The following ARHGAP25 variants were observed in gnomAD, a reference collection of about 807,000 sequenced individuals.
The protein encoded by ARHGAP25 is Rho GTPase activating protein 25, also known as rho GTPase-activating protein 25.
A neutral mutation model predicts 71.0 loss-of-function variants in ARHGAP25; 34 were observed. The ratio of observed to expected loss-of-function variants is 0.48; its 90% CI spans 0.36 to 0.64. The LOEUF (loss-of-function observed/expected upper bound fraction) is 0.64. ARHGAP25 is among the 30% of genes least tolerant of loss of function. The pLI is 0.00. For missense variants in ARHGAP25, 706 were observed against 805.1 expected (o/e 0.88, Z 1.49); for synonymous variants, 282 against 296.5 (o/e 0.95, Z 0.50).
At chr2:68,769,258 T>C (rs771005132) in intron 1 of ARHGAP25, among the ~76,000 whole-genome samples, 2 of 152,178 alleles carry the variant, frequency 1.3e-5, no homozygotes, top group Non-Finnish European at 2.9e-5. Flanking sequence ...TAGAATAAAA[T>C]TGAGTCCATA....
In ARHGAP25 at chr2:68,775,204, T is replaced by C. The variant is rs767574831; in HGVS notation, c.62-17T>C. On this transcript the variant is annotated splice_polypyrimidine_tract_variant and intron_variant, in intron 1 of 10. Coordinates refer to ENST00000409202, the MANE Select transcript of ARHGAP25 (RefSeq NM_001007231.3). ...CCATGTCCCTCGGTCAGTCGGCCTG[T>C]CTGTTCCTCTCTATAGCTCGGTCAA... 6.2e-7 allele frequency: 1 copy of C among 1,614,264 alleles called. No individual in the cohort carries two copies. The highest frequency in any genetic ancestry group is 8.5e-7 in the Non-Finnish European group (1 of 1,180,044).
intron 1 of ARHGAP25, among the ~76,000 whole-genome samples, chr2:68,753,670 C>T (rs1676314015): frequency 1.3e-5 from 2 of 152,140 alleles, no homozygotes; most frequent in South Asian, 4.1e-4. Flanking sequence ...TGATGTTGCT[C>T]TTGAATGTAG....
intron 4 of ARHGAP25, among the ~76,000 whole-genome samples, chr2:68,792,552 T>A (rs1315032764): frequency 2.0e-5 from 3 of 152,230 alleles, no homozygotes; most frequent in Non-Finnish European, 4.4e-5. Context: ...TGGCTTCTAG[T>A]TCTATCGATG....
Position 68,817,934 on chromosome 2 carries a change from A to G in ARHGAP25, c.943A>G (p.Thr315Ala). 6.2e-6 allele frequency: 10 copies of G among 1,614,122 alleles called. No homozygotes were observed. The highest frequency in any genetic ancestry group is 8.5e-6 in the Non-Finnish European group (10 of 1,179,960). Residue 315 changes from threonine (T) to alanine (A), a missense_variant, in exon 8 of 11, where the codon ACT (threonine) becomes GCT (alanine). Transcript: ENST00000409202. Reference sequence around the variant, plus strand: ...CAAGATGAGTGTGGACAACCTGGCTACTGTGATTGGTGTGAATCTCATCAG... The same window carrying G: ...CAAGATGAGTGTGGACAACCTGGCTGCTGTGATTGGTGTGAATCTCATCAG... ...VNKMSVDNLATVIGVNLIRSK... is the reference protein window; with the variant it reads ...VNKMSVDNLAAVIGVNLIRSK...
At chr2:68,748,674 G>T (rs1675980043) in intron 1 of ARHGAP25, among the ~76,000 whole-genome samples, 1 of 152,254 alleles carries the variant, frequency 6.6e-6, no homozygotes, top group East Asian at 1.9e-4. Context: ...ACAACAGTTT[G>T]GTCCAGAGAG....
intron 1 of ARHGAP25, among the ~76,000 whole-genome samples, chr2:68,763,045 G>A (rs1436922681): frequency 6.6e-6 from 1 of 152,236 alleles, no homozygotes; most frequent in Non-Finnish European, 1.5e-5. Context: ...GTAGCCCAAA[G>A]TTGATAGAAA....
At chr2:68,819,399 T>G in intron 9 of ARHGAP25, 80 bp downstream of exon 9, 1 of 1,507,360 alleles carries the variant, frequency 6.6e-7, no homozygotes, top group Non-Finnish European at 9.2e-7. Context: ...TGCTCTCGGG[T>G]GGCAATTTGG....
intron 2 of ARHGAP25, among the ~76,000 whole-genome samples, chr2:68,723,322 A>G (rs7576538): frequency 0.26 from 38,873 of 152,140 alleles, 5,408 homozygotes; most frequent in East Asian, 0.47. Flanking sequence ...CAGGGAGCCT[A>G]TAAAGTTAGC....
intron 10 of ARHGAP25, among the ~76,000 whole-genome samples, chr2:68,825,729 C>CAT (rs1558671009): frequency 5.9e-5 from 9 of 151,926 alleles, no homozygotes; most frequent in Admixed American, 2.6e-4. Context: ...GAGCCGAGAT[C>CAT]GCGTCACTGC....
At chr2:68,759,900 C>A (rs1261461269) in intron 1 of ARHGAP25, among the ~76,000 whole-genome samples, 2 of 151,914 alleles carry the variant, frequency 1.3e-5, no homozygotes, top group Non-Finnish European at 2.9e-5. Flanking sequence ...AACTGCAGAC[C>A]AATATCCCTT....
intron 1 of ARHGAP25, among the ~76,000 whole-genome samples, chr2:68,746,555 A>G (rs1033471365): frequency 2.6e-5 from 4 of 152,202 alleles, no homozygotes; most frequent in African/African-American, 9.7e-5. Context: ...GTTTTTCTGC[A>G]GACGGTTGAT....
At chr2:68,724,712 C>T (rs1272573173) in intron 2 of ARHGAP25, among the ~76,000 whole-genome samples, 2 of 152,204 alleles carry the variant, frequency 1.3e-5, no homozygotes, top group East Asian at 3.8e-4. Flanking sequence ...TGGCCTAATG[C>T]AGGCCTATCT....
At chr2:68,774,736 G>A in intron 1 of ARHGAP25, 6 of 1,011,082 alleles carry the variant, frequency 5.9e-6, no homozygotes, top group Non-Finnish European at 5.9e-6. Context: ...CCCTCCTCTA[G>A]CCGGCCGCTG....
At chr2:68,777,087 C>T (rs1228748645) in intron 2 of ARHGAP25, among the ~76,000 whole-genome samples, 1 of 152,134 alleles carries the variant, frequency 6.6e-6, no homozygotes, top group Non-Finnish European at 1.5e-5. Flanking sequence ...AACCAGCCTT[C>T]CTTCTCTTTA....
intron 2 of ARHGAP25, among the ~76,000 whole-genome samples, chr2:68,724,783 C>G (rs1390923539): frequency 6.6e-6 from 1 of 152,156 alleles, no homozygotes; most frequent in Non-Finnish European, 1.5e-5. Context: ...GGGACCTTCT[C>G]CTTTCCATTT....
chr2:68,754,878 T>C (rs1676386304), intron 1 of ARHGAP25, among the ~76,000 whole-genome samples: 3 of 152,218 alleles, frequency 2.0e-5, no homozygotes, highest in Admixed American at 2.0e-4. Flanking sequence ...AAGTCTCAGA[T>C]CAAAATTTTG....
At position 68,776,325 on chromosome 2, in the gene ARHGAP25, G is replaced by A. The variant is rs116969590; in HGVS notation, c.261+905G>A. Among the ~76,000 whole-genome samples the A allele has an allele frequency of 2.5e-3, 378 of 152,196 alleles. 1 individual carries two copies. The highest frequency in any genetic ancestry group is 2.7e-3 in the Admixed American group (41 of 15,286). On this transcript the variant is annotated intron_variant, in intron 2 of 10. Transcript: ENST00000409202. ...TGAGCATTCACACTGAGGGCCACAG[G>A]GAGGCATTGCAGGGCTCTGAGCAGA...
chr2:68,775,234 T>G lies in ARHGAP25; in HGVS notation c.75T>G (p.Ser25Arg). ...VEAAKIARSR[S>R]VMTGEQMAAF... ...TCCTCTCTATAGCTCGGTCAAGGAGTGTGATGACTGGCGAGCAGATGGCTG... is the reference window on the plus strand; with the variant it reads ...TCCTCTCTATAGCTCGGTCAAGGAGGGTGATGACTGGCGAGCAGATGGCTG... The change falls in exon 2 of 11, where the codon AGT becomes AGG. Residue 25 changes from serine (S) to arginine (R), a missense_variant. Physicochemically the swap from Ser to Arg is moderately radical, Grantham distance 110. Coordinates refer to ENST00000409202, the MANE Select transcript of ARHGAP25 (RefSeq NM_001007231.3). 6.2e-7 allele frequency: 1 copy of G among 1,614,090 alleles called. No homozygotes were observed. The highest frequency in any genetic ancestry group is 8.5e-7 in the Non-Finnish European group (1 of 1,180,024).
chr2:68,725,434 C>T (rs1674860340), intron 2 of ARHGAP25, among the ~76,000 whole-genome samples: 1 of 152,144 alleles, frequency 6.6e-6, no homozygotes, highest in Admixed American at 6.5e-5. Context: ...ACACATTCCC[C>T]CCATCTCAGC....
Sources: gnomAD v4.1 joint callset for allele counts (sites outside exome capture counted in the v4.1 genomes callset) on GRCh38, gnomAD v4.1.1 for gene constraint, MANE v1.5 for transcripts, NCBI Gene and HGNC (gene_info 2026-07-23, HGNC 2026-07-21) for gene names.